Variants in QTMAN observed in about 807,000 individuals in gnomAD.
The protein encoded by QTMAN is tRNA-queuosine alpha-mannosyltransferase.
chr2:143,990,574 G>A, the QTMAN span, among the ~76,000 whole-genome samples: 2 of 152,180 alleles, frequency 1.3e-5, no homozygotes, highest in Non-Finnish European at 2.9e-5. Context: ...TATTGCTACA[G>A]ATTAATAAAA....
chr2:144,111,688 T>C, the QTMAN span, among the ~76,000 whole-genome samples: 2 of 152,170 alleles, frequency 1.3e-5, no homozygotes, highest in East Asian at 3.9e-4. Flanking sequence ...GCATTTGTTA[T>C]CTTTAAATCT....
At chr2:144,218,164 T>A in the QTMAN span, among the ~76,000 whole-genome samples, 1 of 152,256 alleles carries the variant, frequency 6.6e-6, no homozygotes, top group African/African-American at 2.4e-5. Flanking sequence ...AAAAAATTAC[T>A]TCTTCCTATC....
chr2:143,990,527 A>G, the QTMAN span, among the ~76,000 whole-genome samples: 2 of 152,218 alleles, frequency 1.3e-5, no homozygotes, highest in Non-Finnish European at 2.9e-5. Context: ...TAGGATGGAA[A>G]GAAAAGAATG....
At chr2:144,214,820 T>C in the QTMAN span, among the ~76,000 whole-genome samples, 1 of 152,216 alleles carries the variant, frequency 6.6e-6, no homozygotes, top group Admixed American at 6.5e-5. Context: ...TCCAATTATA[T>C]GAATTGCAAT....
chr2:144,104,342 G>C, the QTMAN span, among the ~76,000 whole-genome samples: 2 of 152,308 alleles, frequency 1.3e-5, no homozygotes, highest in Non-Finnish European at 2.9e-5. Flanking sequence ...AGGGGTCAGG[G>C]AATTCCCTTT....
the QTMAN span, among the ~76,000 whole-genome samples, chr2:144,302,365 A>G: frequency 1.3e-5 from 2 of 152,200 alleles, no homozygotes; most frequent in African/African-American, 4.8e-5. Flanking sequence ...TGGGGTAACC[A>G]ATAGATTGCC....
chr2:144,050,780 A>AGC, the QTMAN span, among the ~76,000 whole-genome samples: 2 of 145,432 alleles, frequency 1.4e-5, no homozygotes, highest in Admixed American at 1.3e-4. Flanking sequence ...CCTTTCAGTC[A>AGC]GCACACACAC....
chr2:144,208,669 C>T, the QTMAN span: 1 of 1,613,812 alleles, frequency 6.2e-7, no homozygotes, highest in Middle Eastern at 1.6e-4. Context: ...TCTCCAATGC[C>T]ATTTCTTTGC....
At chr2:144,204,633 T>C in the QTMAN span, among the ~76,000 whole-genome samples, 5 of 152,134 alleles carry the variant, frequency 3.3e-5, 1 homozygote, top group African/African-American at 7.2e-5. Flanking sequence ...CCCAGCCATC[T>C]CATTACTGGG....
chr2:144,061,036 T>C, the QTMAN span, among the ~76,000 whole-genome samples: 35 of 152,298 alleles, frequency 2.3e-4, 1 homozygote, highest in South Asian at 6.8e-3. Flanking sequence ...CTTGAAATTA[T>C]AGTTCCCAAT....
At chr2:143,957,284 G>A in the QTMAN span, 2 of 1,612,260 alleles carry the variant, frequency 1.2e-6, no homozygotes, top group African/African-American at 1.3e-5. Context: ...TGCTGGGTAA[G>A]TAGCCCCAGT....
the QTMAN span, among the ~76,000 whole-genome samples, chr2:144,307,474 C>G: frequency 6.6e-6 from 1 of 152,128 alleles, no homozygotes; most frequent in Non-Finnish European, 1.5e-5. Flanking sequence ...TAAACAGTGT[C>G]CTACTCTGTG....
the QTMAN span, among the ~76,000 whole-genome samples, chr2:144,070,039 C>T: frequency 8.5e-5 from 13 of 152,158 alleles, no homozygotes; most frequent in Admixed American, 3.9e-4. Context: ...GTTATGTTTA[C>T]TAAAGTAGGT....
At chr2:143,991,751 C>A in the QTMAN span, among the ~76,000 whole-genome samples, 3 of 144,934 alleles carry the variant, frequency 2.1e-5, no homozygotes, top group Non-Finnish European at 3.0e-5. Flanking sequence ...GTCAGCCCCC[C>A]GCCCCGCCAG....
chr2:144,254,704 G>A, the QTMAN span, among the ~76,000 whole-genome samples: 1 of 152,172 alleles, frequency 6.6e-6, no homozygotes, highest in Non-Finnish European at 1.5e-5. Context: ...CTTGCACTGT[G>A]TACCTAGAAA....
chr2:144,213,622 G>T, the QTMAN span, among the ~76,000 whole-genome samples: 166 of 152,240 alleles, frequency 1.1e-3, 1 homozygote, highest in Admixed American at 2.6e-3. Flanking sequence ...AGTGATGATG[G>T]TTTTAACGGT....
At chr2:144,056,919 T>G in the QTMAN span, among the ~76,000 whole-genome samples, 2 of 152,222 alleles carry the variant, frequency 1.3e-5, no homozygotes, top group African/African-American at 4.8e-5. Context: ...AATAAAACAT[T>G]TTGCGATAGC....
the QTMAN span, among the ~76,000 whole-genome samples, chr2:144,112,363 A>G: frequency 6.6e-6 from 1 of 152,258 alleles, no homozygotes. Flanking sequence ...ACAAGAAGGC[A>G]GATTAGCTAG....
At chr2:144,100,639 T>C in the QTMAN span, among the ~76,000 whole-genome samples, 1 of 152,120 alleles carries the variant, frequency 6.6e-6, no homozygotes, top group Admixed American at 6.5e-5. Flanking sequence ...TATCAATATA[T>C]TCTGAATTTA....
Sources: gnomAD v4.1 joint callset for allele counts (sites outside exome capture counted in the v4.1 genomes callset) on GRCh38, gnomAD v4.1.1 for gene constraint, MANE v1.5 for transcripts, NCBI Gene and HGNC (gene_info 2026-07-23, HGNC 2026-07-21) for gene names.